The following ZNF385D variants were observed in gnomAD, a reference collection of about 807,000 sequenced individuals.
ZNF385D encodes the protein zinc finger protein 659.
In ZNF385D, 15 loss-of-function variants were observed where a neutral mutation model predicts 35.8. The ratio of observed to expected loss-of-function variants is 0.42; its 90% CI spans 0.28 to 0.64. The LOEUF (loss-of-function observed/expected upper bound fraction) is 0.64, where lower values mean the gene tolerates loss of function less well. Among genes scored for constraint, ZNF385D ranks in the 30% least tolerant of loss-of-function variants. ZNF385D has a pLI of 0.23. For missense variants in ZNF385D, 474 were observed against 494.6 expected, an observed-to-expected ratio of 0.96 and a Z score of 0.39; for synonymous variants, 212 against 186.8, an observed-to-expected ratio of 1.13 and a Z score of -1.10.
intron 2 of ZNF385D, among the ~76,000 whole-genome samples, chr3:22,283,220 A>G (rs1216146601): frequency 6.6e-6 from 1 of 152,110 alleles, no homozygotes; most frequent in Admixed American, 6.6e-5. Flanking sequence ...GATAGACAGC[A>G]AACGATAGTA....
intron 1 of ZNF385D, among the ~76,000 whole-genome samples, chr3:21,694,105 G>A (rs2067386236): frequency 1.5e-5 from 2 of 134,264 alleles, no homozygotes; most frequent in Admixed American, 8.1e-5. Flanking sequence ...GTACAGTGGC[G>A]CGATCTCGGC....
chr3:21,841,659 C>T (rs1695683445), intron 3 of ZNF385D, among the ~76,000 whole-genome samples: 1 of 151,738 alleles, frequency 6.6e-6, no homozygotes, highest in African/African-American at 2.4e-5. Context: ...TTTAGGGGTT[C>T]TTTGGAATAC....
intron 3 of ZNF385D, among the ~76,000 whole-genome samples, chr3:21,909,647 G>GT (rs1202605155): frequency 6.6e-6 from 1 of 151,984 alleles, no homozygotes; most frequent in Non-Finnish European, 1.5e-5. Flanking sequence ...ATTCCTCTTG[G>GT]ATACTGTAGC....
At chr3:22,084,338 C>G (rs938724703) in intron 3 of ZNF385D, among the ~76,000 whole-genome samples, 1 of 152,130 alleles carries the variant, frequency 6.6e-6, no homozygotes, top group Admixed American at 6.5e-5. Flanking sequence ...GAGACCCACT[C>G]ATGTGCAGAG....
chr3:22,250,739 AAAT>A (rs1700019809), intron 2 of ZNF385D, among the ~76,000 whole-genome samples: 1 of 152,120 alleles, frequency 6.6e-6, no homozygotes, highest in Admixed American at 6.6e-5. Flanking sequence ...CAAAACAGTT[AAAT>A]AACACTGCAT....
intron 2 of ZNF385D, among the ~76,000 whole-genome samples, chr3:22,299,928 T>G (rs1702806706): frequency 6.6e-6 from 1 of 151,806 alleles, no homozygotes; most frequent in Admixed American, 6.6e-5. Flanking sequence ...TTATCAAAAT[T>G]TCAATGACAT....
intron 4 of ZNF385D, among the ~76,000 whole-genome samples, chr3:21,441,155 A>C (rs114868790): frequency 6.6e-6 from 1 of 152,148 alleles, no homozygotes; most frequent in African/African-American, 2.4e-5. Context: ...ATTATTATAA[A>C]CTTCTTAATC....
At chr3:21,597,360 CAA>C (rs139400366) in intron 2 of ZNF385D, among the ~76,000 whole-genome samples, 1 of 145,876 alleles carries the variant, frequency 6.9e-6, no homozygotes. Flanking sequence ...ACTGTTAATT[CAA>C]AAAAAAAAGA....
At chr3:22,252,782 T>A (rs1174157836) in intron 2 of ZNF385D, among the ~76,000 whole-genome samples, 1 of 152,074 alleles carries the variant, frequency 6.6e-6, no homozygotes, top group African/African-American at 2.4e-5. Context: ...ACATTAGGCA[T>A]GTTTGAATAA....
In ZNF385D at chr3:21,622,598, T is replaced by C. The variant is rs140711852; in HGVS notation, c.165+42288A>G. ...AGGAGGTTCTGAGATGTTAAAGGCT[T>C]CACGTAATATTACAGATAAGAAAGT... On this transcript the variant is annotated intron_variant, in intron 2 of 7. Transcript: ENST00000281523. Among the ~76,000 whole-genome samples the C allele has an allele frequency of 1.8e-3, 280 of 152,242 alleles. 5 individuals are homozygous for C. In the East Asian group the frequency reaches 0.022, roughly 12 times the overall value.
At chr3:21,963,374 C>T (rs1374406276) in intron 3 of ZNF385D, among the ~76,000 whole-genome samples, 2 of 152,142 alleles carry the variant, frequency 1.3e-5, no homozygotes, top group Non-Finnish European at 2.9e-5. Flanking sequence ...ATCAACTCTA[C>T]GTAGAACCGC....
chr3:22,166,410 A>T (rs979798487), intron 3 of ZNF385D, among the ~76,000 whole-genome samples: 2 of 152,204 alleles, frequency 1.3e-5, no homozygotes, highest in African/African-American at 4.8e-5. Flanking sequence ...GTTTGTACAG[A>T]ATATTCACTT....
At chr3:22,094,768 T>C (rs566411373) in intron 3 of ZNF385D, among the ~76,000 whole-genome samples, 27 of 152,178 alleles carry the variant, frequency 1.8e-4, no homozygotes, top group African/African-American at 6.3e-4. Flanking sequence ...TGTCAAATGC[T>C]GTCACAGATC....
At chr3:21,809,398 T>C (rs546081025) in intron 3 of ZNF385D, among the ~76,000 whole-genome samples, 299 of 152,006 alleles carry the variant, frequency 2.0e-3, no homozygotes, top group Non-Finnish European at 3.5e-3. Context: ...ATATATAATA[T>C]TGTCTAATGC....
chr3:21,972,084 G>C (rs1347167019), intron 3 of ZNF385D, among the ~76,000 whole-genome samples: 1 of 151,830 alleles, frequency 6.6e-6, no homozygotes, highest in Non-Finnish European at 1.5e-5. Flanking sequence ...AATTGAACTT[G>C]ATATGCACTA....
rs1225361128 is a variant in ZNF385D at position 21,943,460 on chromosome 3, A to G, written c.325+225357T>C. Among the ~76,000 whole-genome samples, 3 of 152,000 alleles carry G rather than the reference A, an allele frequency of 2.0e-5. No homozygotes were observed. In the East Asian group the frequency reaches 5.8e-4, roughly 29 times the overall value. ...TAATGACTTCTGCAGTGACAACATC[A>G]TGGAAAAAAATGATATATCTACTAA... On this transcript the variant is annotated intron_variant, in intron 3 of 5. Coordinates refer to the ZNF385D transcript ENST00000494108.
chr3:21,883,936 T>C (rs1236108461), intron 3 of ZNF385D, among the ~76,000 whole-genome samples: 2 of 152,144 alleles, frequency 1.3e-5, no homozygotes, highest in East Asian at 3.9e-4. Context: ...ATCTACTAAG[T>C]CGAATTTCTT....
intron 1 of ZNF385D, 76 bp from the exon 2 acceptor site, chr3:21,665,104 A>G: frequency 6.8e-7 from 1 of 1,480,458 alleles, no homozygotes; most frequent in Non-Finnish European, 9.0e-7. Flanking sequence ...TTTTGAGACA[A>G]AAAAGGCCAG....
At chr3:21,979,256 G>T (rs1290969018) in intron 3 of ZNF385D, among the ~76,000 whole-genome samples, 1 of 151,576 alleles carries the variant, frequency 6.6e-6, no homozygotes, top group Non-Finnish European at 1.5e-5. Context: ...AACAGAAGGG[G>T]GAAAAAAACC....
Sources: gnomAD v4.1 joint callset for allele counts (sites outside exome capture counted in the v4.1 genomes callset) on GRCh38, gnomAD v4.1.1 for gene constraint, MANE v1.5 for transcripts, NCBI Gene and HGNC (gene_info 2026-07-23, HGNC 2026-07-21) for gene names.